Variants in MIER1 observed in about 807,000 individuals in gnomAD.
MIER1 encodes the protein mesoderm induction early response protein 1.
MIER1 carries 40 observed loss-of-function variants against 75.7 expected under a neutral mutation model. The observed-to-expected ratio is 0.53, with a 90% CI of 0.41 to 0.69. MIER1 has a LOEUF of 0.69. Ranked by LOEUF, MIER1 falls within the 30% of genes least tolerant of loss-of-function variation. The probability of loss-of-function intolerance (pLI) is 0.00; values close to 1 mark genes in which losing one functional copy is unlikely to be tolerated. For missense variants in MIER1, 574 were observed against 680.2 expected (o/e 0.84, Z 1.74); for synonymous variants, 213 against 223.4 (o/e 0.95, Z 0.42).
At position 66,925,012 on chromosome 1, in the gene MIER1, C is replaced by G. The variant is rs985288466; in HGVS notation, c.-17C>G. The stretch of plus-strand genomic sequence containing the variant: ...CTCAGGCCCCTCCCAGGCTCTGAGT[C>G]TCCCGGCTGCAGGCGGATGGATGGG... On this transcript the variant is annotated 5_prime_UTR_variant, in exon 1 of 14. Coordinates refer to ENST00000401041, the MANE Select transcript of MIER1 (RefSeq NM_001077700.3). 1.9e-6 allele frequency: 3 copies of G among 1,545,450 alleles called. No individual in the cohort carries two copies. The highest frequency in any genetic ancestry group is 1.2e-5 in the South Asian group (1 of 84,790).
rs372231146 is a variant in MIER1, at chr1:66,946,197, A to G, written c.241A>G (p.Met81Val). Residue 81 changes from methionine (M) to valine (V), a missense_variant, in exon 4 of 14, where the codon ATG becomes GTG. By Grantham distance (21) the Met-to-Val change is conservative. Transcript: ENST00000401041. The part of the protein sequence containing the change: ...DDHEFDPSAD[M>V]LVHDFDDERT... ...CCATGAATTTGATCCATCAGCTGACATGCTGGTTCATGATTTTGATGATGA... is the reference window on the plus strand; with the variant it reads ...CCATGAATTTGATCCATCAGCTGACGTGCTGGTTCATGATTTTGATGATGA... 6.2e-7 allele frequency: 1 copy of G among 1,612,188 alleles called. No individual in the cohort carries two copies. The highest frequency in any genetic ancestry group is 1.3e-5 in the African/African-American group (1 of 75,014).
intron 8 of MIER1, among the ~76,000 whole-genome samples, chr1:66,966,732 C>T (rs946863503): frequency 2.0e-5 from 3 of 152,182 alleles, no homozygotes; most frequent in Non-Finnish European, 4.4e-5. Context: ...GCCATTCTAA[C>T]GGTTGTGAGA....
intron 1 of MIER1, 43 bp downstream of exon 1, chr1:66,925,138 G>C (rs1318448268): frequency 6.5e-7 from 1 of 1,539,656 alleles, no homozygotes; most frequent in East Asian, 2.5e-5. Flanking sequence ...TTCTATTCCA[G>C]TTTGGGATGA....
intron 4 of MIER1, among the ~76,000 whole-genome samples, chr1:66,951,785 T>A (rs929383939): frequency 1.3e-5 from 2 of 152,152 alleles, no homozygotes; most frequent in African/African-American, 4.8e-5. Flanking sequence ...ATGCCCACTT[T>A]CCTTATTTCT....
Position 66,984,929 on chromosome 1 carries a change from G to T in MIER1, c.*29G>T. 3 of 1,541,164 alleles carry T rather than the reference G, an allele frequency of 1.9e-6. No homozygotes were observed. The South Asian group carries it at 3.9e-5, about 20-fold the overall frequency. ...TTAGACCTATTTTACTTTCTTTGGA[G>T]TAAATTCTGGTGTGACTAAAATTTT... On this transcript the variant is annotated 3_prime_UTR_variant, in exon 14 of 14. Transcript: ENST00000401041.
At chr1:66,977,939 C>T (rs945877376) in intron 12 of MIER1, among the ~76,000 whole-genome samples, 1 of 152,080 alleles carries the variant, frequency 6.6e-6, no homozygotes, top group Non-Finnish European at 1.5e-5. Flanking sequence ...TGGCTCACTC[C>T]TGTAATCCCA....
chr1:66,959,622 G>C, intron 6 of MIER1, 57 bp from the exon 7 acceptor site: 1 of 809,296 alleles, frequency 1.2e-6, no homozygotes. Flanking sequence ...AAAATAATAT[G>C]TAGATTTAGA....
chr1:66,933,608 T>G (rs1308028641), intron 2 of MIER1, among the ~76,000 whole-genome samples: 3 of 152,214 alleles, frequency 2.0e-5, no homozygotes, highest in Admixed American at 6.5e-5. Flanking sequence ...AACATTAATT[T>G]CTACTCTAAG....
rs112331593 is a variant in MIER1 at position 66,936,557 on chromosome 1, C to T, written c.169-3471C>T. Among the ~76,000 whole-genome samples the T allele has an allele frequency of 2.2e-3, 338 of 151,928 alleles. 5 individuals are homozygous for T. The highest frequency in any genetic ancestry group is 7.6e-3 in the African/African-American group (316 of 41,426). ...TTAGTTTTGTTTTTCTCTCTCCTTT[C>T]TAGTTTATGGTAGTAATTAATGGTA... On this transcript the variant is annotated intron_variant, in intron 2 of 13. Transcript: ENST00000401041.
chr1:66,959,954 T>C, intron 7 of MIER1: 1 of 270,618 alleles, frequency 3.7e-6, no homozygotes, highest in Non-Finnish European at 7.0e-6. Flanking sequence ...GTGTGGTGGC[T>C]CACGCCTGTT....
intron 11 of MIER1, 71 bp from the exon 12 acceptor site, chr1:66,976,524 C>T: frequency 6.9e-7 from 1 of 1,452,804 alleles, no homozygotes; most frequent in South Asian, 1.4e-5. Flanking sequence ...TATTTTCAAA[C>T]TTCAGATGTT....
intron 2 of MIER1, among the ~76,000 whole-genome samples, chr1:66,926,771 T>G (rs866359927): frequency 6.6e-6 from 1 of 152,174 alleles, no homozygotes; most frequent in South Asian, 2.1e-4. Flanking sequence ...CGCTGAAAAT[T>G]GTTAGATATA....
rs555810970 is a variant in MIER1 at position 66,985,836 on chromosome 1, TTA to T, written c.*937_*938del. 2.7e-3 allele frequency: 1,795 copies of T among 656,490 alleles called. 3 individuals carry two copies. The highest frequency in any genetic ancestry group is 7.3e-3 in the Middle Eastern group (9 of 1,238). 40.7% of individuals were successfully genotyped at this position (656,490 alleles called of 1,614,324 possible). On this transcript the variant is annotated 3_prime_UTR_variant, in exon 14 of 14. Coordinates refer to ENST00000401041, the MANE Select transcript of MIER1 (RefSeq NM_001077700.3). ...AAAATTTTTTTTTTTTTTTTTTTTTTTAAATTTCTACTTAAGGGCAAGTAATT... is the reference window on the plus strand; with the variant it reads ...AAAATTTTTTTTTTTTTTTTTTTTTTAATTTCTACTTAAGGGCAAGTAATT...
At position 66,957,964 on chromosome 1, in the gene MIER1, A is replaced by G; in HGVS notation, c.340-95A>G. ...ATTCGTAACACAGCTTTTATTCTTCACTATAGAATGAATACTCCACAGATT... is the reference window on the plus strand; with the variant it reads ...ATTCGTAACACAGCTTTTATTCTTCGCTATAGAATGAATACTCCACAGATT... On this transcript the variant is annotated intron_variant, in intron 4 of 13. Coordinates refer to ENST00000401041, the MANE Select transcript of MIER1 (RefSeq NM_001077700.3). 5 of 638,946 alleles carry G rather than the reference A, an allele frequency of 7.8e-6. No homozygotes were observed. The South Asian group carries it at 2.2e-4, about 28-fold the overall frequency. The allele number at this position is 638,946 out of a possible 1,614,324, so 39.6% of individuals were successfully genotyped here. A position where few individuals can be genotyped will look rare whatever the true frequency, so the allele number is the denominator to read the frequency against.
chr1:66,957,326 T>C (rs1405532204), intron 4 of MIER1, among the ~76,000 whole-genome samples: 1 of 152,188 alleles, frequency 6.6e-6, no homozygotes, highest in Non-Finnish European at 1.5e-5. Context: ...CCATGGTGTA[T>C]TGATATGAAT....
At position 66,986,312 on chromosome 1, in the gene MIER1, C is replaced by A. The variant is rs1666771816; in HGVS notation, c.*1412C>A. 5 of 1,516,074 alleles carry A rather than the reference C, an allele frequency of 3.3e-6. No homozygotes were observed. The Admixed American group carries it at 8.8e-5, about 27-fold the overall frequency. 93.9% of individuals were successfully genotyped at this position (1,516,074 alleles called of 1,614,324 possible). ...GCCATTTTATTTTTAGTGCTAAATT[C>A]TTGTTAAATAATGTAGTTTTATATA... On this transcript the variant is annotated 3_prime_UTR_variant, in exon 14 of 14. Transcript: ENST00000401041.
At position 66,963,064 on chromosome 1, in the gene MIER1, T is replaced by C. The variant is rs201538898; in HGVS notation, c.700-24T>C. On this transcript the variant is annotated intron_variant, in intron 7 of 13. Coordinates refer to ENST00000401041, the MANE Select transcript of MIER1 (RefSeq NM_001077700.3). ...AAAATCTGTTACTAGATCTTACTAATGTTTTATGTTATTTTTAAAATAGGA... is the reference window on the plus strand; with the variant it reads ...AAAATCTGTTACTAGATCTTACTAACGTTTTATGTTATTTTTAAAATAGGA... 8.4e-5 allele frequency: 125 copies of C among 1,490,572 alleles called. No homozygotes were observed. In the African/African-American group the frequency reaches 1.5e-3, roughly 17 times the overall value. 92.3% of individuals were successfully genotyped at this position (1,490,572 alleles called of 1,614,324 possible). A position where few individuals can be genotyped will look rare whatever the true frequency, so the allele number is the denominator to read the frequency against.
At chr1:66,970,992 C>T in intron 9 of MIER1, 33 bp downstream of exon 9, 1 of 1,549,632 alleles carries the variant, frequency 6.5e-7, no homozygotes, top group African/African-American at 1.4e-5. Context: ...AGAACTTTGC[C>T]ATACACATTT....
intron 1 of MIER1, chr1:66,925,585 G>A: frequency 6.1e-6 from 6 of 977,952 alleles, no homozygotes; most frequent in Non-Finnish European, 7.3e-6. Context: ...GTCAGGGAGG[G>A]AGGAGAGACT....
Sources: gnomAD v4.1 joint callset for allele counts (sites outside exome capture counted in the v4.1 genomes callset) on GRCh38, gnomAD v4.1.1 for gene constraint, MANE v1.5 for transcripts, NCBI Gene and HGNC (gene_info 2026-07-23, HGNC 2026-07-21) for gene names.